Variants in CACNA1B observed in about 807,000 individuals in gnomAD.
CACNA1B encodes calcium voltage-gated channel subunit alpha1 B.
A neutral mutation model predicts 247.2 loss-of-function variants in CACNA1B; 70 were observed. That is an observed-to-expected ratio of 0.28 (90% CI 0.23 to 0.35). The LOEUF (loss-of-function observed/expected upper bound fraction) is 0.35, where lower values mean the gene tolerates loss of function less well. Ranked by LOEUF, CACNA1B falls within the 10% of genes least tolerant of loss-of-function variation. CACNA1B has a pLI of 1.00. For synonymous variants in CACNA1B, 1,231 were observed against 1,294.4 expected (o/e 0.95, Z 1.05); for missense variants, 2,367 against 3,197.4 (o/e 0.74, Z 6.26).
chr9:138,048,518 C>T (rs1298304326), intron 23 of CACNA1B, among the ~76,000 whole-genome samples: 1 of 152,188 alleles, frequency 6.6e-6, no homozygotes, highest in African/African-American at 2.4e-5. Flanking sequence ...CCCACTGAGG[C>T]CCTTCGGGGT....
At chr9:137,987,479 A>G (rs1390188775) in intron 15 of CACNA1B, among the ~76,000 whole-genome samples, 1 of 152,160 alleles carries the variant, frequency 6.6e-6, no homozygotes, top group African/African-American at 2.4e-5. Context: ...CATGCCTTGC[A>G]TTCCTGTCCC....
rs1009554299 is a variant in CACNA1B at position 138,024,598 on chromosome 9, G to C, written c.3069-357G>C. Among the ~76,000 whole-genome samples, 67 of 152,262 alleles carry C rather than the reference G, an allele frequency of 4.4e-4. 1 individual carries two copies. Among genetic ancestry groups the C allele is most frequent in the African/African-American group, 1.5e-3 (61 of 41,566 alleles). On this transcript the variant is annotated intron_variant, in intron 19 of 46. Coordinates refer to ENST00000371372, the MANE Select transcript of CACNA1B (RefSeq NM_000718.4). ...TTAGTTGGTCTGCATGGAGGCTTAAGGGTTTTGGTTGATAGGATTTTGCTG... is the reference window on the plus strand; with the variant it reads ...TTAGTTGGTCTGCATGGAGGCTTAACGGTTTTGGTTGATAGGATTTTGCTG...
chr9:138,025,297 GGAGA>G (rs1454008794), intron 20 of CACNA1B, 125 bp downstream of exon 20: 8 of 652,560 alleles, frequency 1.2e-5, no homozygotes, highest in Non-Finnish European at 1.9e-5. Context: ...TCTCCTGGCT[GGAGA>G]GAGAGTCCTT....
chr9:138,058,961 T>A lies in CACNA1B; in HGVS notation c.4474-118T>A. 1 of 727,256 alleles carries A rather than the reference T, an allele frequency of 1.4e-6. No individual in the cohort carries two copies. Among genetic ancestry groups the A allele is most frequent in the East Asian group, 2.7e-5 (1 of 36,906 alleles). The allele number at this position is 727,256 out of a possible 1,614,324, so 45.1% of individuals were successfully genotyped here. A position where few individuals can be genotyped will look rare whatever the true frequency, so the allele number is the denominator to read the frequency against. On this transcript the variant is annotated intron_variant, in intron 29 of 46. Transcript: ENST00000371372. The surrounding 1 kb of genome is among the most constrained non-coding windows in gnomAD (Gnocchi z 4.7). Reference sequence around the variant, plus strand: ...GACTCGGGGAGAGCAGGAAGGGGTGTCCCAGGCCTAGGCAGGCATCGAGTT... The same window carrying A: ...GACTCGGGGAGAGCAGGAAGGGGTGACCCAGGCCTAGGCAGGCATCGAGTT...
In CACNA1B at chr9:137,952,317, T is replaced by C; in HGVS notation, c.1010T>C (p.Ile337Thr). 6.2e-7 allele frequency: 1 copy of C among 1,613,622 alleles called. No homozygotes were observed. Among genetic ancestry groups the C allele is most frequent in the South Asian group, 1.1e-5 (1 of 91,056 alleles). Residue 337 changes from isoleucine to threonine, a missense_variant, in exon 7 of 47, where the codon ATC becomes ACC. By Grantham distance (89) the Ile-to-Thr change is moderately conservative. Transcript: ENST00000371372. The surrounding 1 kb of genome is among the most constrained non-coding windows in gnomAD (Gnocchi z 4.8). ...AACACCTGGAACTGGCTCTACTTCA[T>C]CCCTCTCATCATCATCGGCTCCTTC... ...AGNTWNWLYF[I>T]PLIIIGSFFM... is the part of the protein sequence containing the mutation.
At chr9:137,992,931 A>G (rs550646334) in intron 15 of CACNA1B, among the ~76,000 whole-genome samples, 1 of 152,326 alleles carries the variant, frequency 6.6e-6, no homozygotes, top group South Asian at 2.1e-4. Context: ...CTCCTGAATG[A>G]TTTTTGGGTT....
At position 138,121,704 on chromosome 9, in the gene CACNA1B, A is replaced by T. The variant is rs1428349319; in HGVS notation, c.6725A>T (p.Asp2242Val). The T allele has an allele frequency of 1.9e-6, 3 of 1,612,164 alleles. No homozygotes were observed. The highest frequency in any genetic ancestry group is 2.2e-5 in the East Asian group (1 of 44,786). Residue 2242 changes from aspartate (D) to valine (V), a missense_variant, in exon 47 of 47, where the codon GAC becomes GTC. Transcript: ENST00000371372. The surrounding 1 kb of genome is among the most constrained non-coding windows in gnomAD (Gnocchi z 6.8). The stretch of plus-strand genomic sequence containing the variant: ...GAACACAACGCCCTGCTGCAGAGAG[A>T]CCCCCTCAGCCAGCCCCTGGCCCCT... ...LSEHNALLQR[D>V]PLSQPLAPGS...
At chr9:137,982,594 C>T (rs1181377551) in intron 12 of CACNA1B, among the ~76,000 whole-genome samples, 1 of 152,210 alleles carries the variant, frequency 6.6e-6, no homozygotes, top group African/African-American at 2.4e-5. Context: ...ACTACATGAA[C>T]CAGTGAGGAC....
Position 138,047,107 on chromosome 9 carries a change from G to A in CACNA1B, c.3543+74G>A, listed in dbSNP as rs1055303308. On this transcript the variant is annotated intron_variant, in intron 22 of 46. Coordinates refer to ENST00000371372, the MANE Select transcript of CACNA1B (RefSeq NM_000718.4). ...TGGGTGCCTTCCCAGGGGCCCAAGGGGCTGGGGTGGGGCTGAGGTCCTGTC... is the reference window on the plus strand; with the variant it reads ...TGGGTGCCTTCCCAGGGGCCCAAGGAGCTGGGGTGGGGCTGAGGTCCTGTC... 7 of 1,412,036 alleles carry A rather than the reference G, an allele frequency of 5.0e-6. No homozygotes were observed. In the Admixed American group the frequency reaches 1.1e-4, roughly 22 times the overall value. The allele number at this position is 1,412,036 out of a possible 1,614,324, so 87.5% of individuals were successfully genotyped here.
At chr9:138,094,201 A>G (rs140908520) in intron 36 of CACNA1B, among the ~76,000 whole-genome samples, 35 of 152,324 alleles carry the variant, frequency 2.3e-4, no homozygotes, top group African/African-American at 7.9e-4. Context: ...TTCCACTTAT[A>G]TAAGTTACCT....
At chr9:138,045,931 C>T (rs1254996028) in intron 21 of CACNA1B, among the ~76,000 whole-genome samples, 3 of 152,086 alleles carry the variant, frequency 2.0e-5, no homozygotes, top group African/African-American at 7.2e-5. Context: ...CTTAGAGGGG[C>T]TGGGGGCGGT....
rs1055407183 is a variant in CACNA1B at position 138,043,487 on chromosome 9, G to A, written c.3287-287G>A. Among the ~76,000 whole-genome samples the A allele has an allele frequency of 5.3e-5, 8 of 152,136 alleles. No individual in the cohort carries two copies. In the South Asian group the frequency reaches 6.2e-4, roughly 12 times the overall value. ...TCTCAGCGCATCGAGGCCCCTCAGCGCGGCAGAGGGGTCCACAGCCACGGG... is the reference window on the plus strand; with the variant it reads ...TCTCAGCGCATCGAGGCCCCTCAGCACGGCAGAGGGGTCCACAGCCACGGG... On this transcript the variant is annotated intron_variant, in intron 20 of 46. Coordinates refer to ENST00000371372, the MANE Select transcript of CACNA1B (RefSeq NM_000718.4).
At chr9:138,101,654 G>A (rs1467417722) in intron 37 of CACNA1B, among the ~76,000 whole-genome samples, 1 of 152,244 alleles carries the variant, frequency 6.6e-6, no homozygotes, top group Non-Finnish European at 1.5e-5. Context: ...GGGGAGGAAA[G>A]GGCAGAGGCA....
chr9:137,966,993 G>T (rs756698329), intron 10 of CACNA1B, among the ~76,000 whole-genome samples: 2 of 149,154 alleles, frequency 1.3e-5, no homozygotes, highest in Non-Finnish European at 3.0e-5. Flanking sequence ...AAAAAACCCA[G>T]TTGTATGGTG....
chr9:137,897,422 A>C (rs2133253339), intron 3 of CACNA1B, among the ~76,000 whole-genome samples: 1 of 152,174 alleles, frequency 6.6e-6, no homozygotes, highest in East Asian at 1.9e-4. Flanking sequence ...TCTACTAAAA[A>C]TACAAAAATT....
In CACNA1B at chr9:138,059,397, G is replaced by A. The variant is rs758578593; in HGVS notation, c.4584+208G>A. On this transcript the variant is annotated intron_variant, in intron 30 of 46. Transcript: ENST00000371372. This position sits in a 1 kb window ranked among gnomAD's most constrained non-coding sequence, Gnocchi z 4.2. The stretch of plus-strand genomic sequence containing the variant: ...CCCCAGCCTAGGTCCTGGGAGGGAG[G>A]CAGGGCTGGGTTCTTCCTCTTTGGA... 1.3e-5 allele frequency among the ~76,000 whole-genome samples: 2 copies of A among 152,114 alleles called. No individual in the cohort carries two copies. The highest frequency in any genetic ancestry group is 2.9e-5 in the Non-Finnish European group (2 of 68,014).
At chr9:137,989,958 T>C (rs1057503417) in intron 15 of CACNA1B, among the ~76,000 whole-genome samples, 2 of 152,204 alleles carry the variant, frequency 1.3e-5, no homozygotes, top group African/African-American at 4.8e-5. Context: ...AGGACTAGCT[T>C]GCAGCTCCTG....
At chr9:137,977,493 C>T (rs1958233926) in intron 12 of CACNA1B, among the ~76,000 whole-genome samples, 1 of 148,256 alleles carries the variant, frequency 6.7e-6, no homozygotes, top group Admixed American at 6.7e-5. Context: ...GGTAGGGAGG[C>T]CTTGGAGGCA....
chr9:138,093,214 G>A lies in CACNA1B; in HGVS notation c.5095-3270G>A, dbSNP rs78933832. Among the ~76,000 whole-genome samples, 933 of 152,074 alleles carry A rather than the reference G, an allele frequency of 6.1e-3. 7 individuals are homozygous for A. Among genetic ancestry groups the A allele is most frequent in the African/African-American group, 0.021 (879 of 41,468 alleles). ...GTAGACAGATCACCTAAGTTCAGGA[G>A]TTCAAGACCAGCTTGGCCAACATGG... On this transcript the variant is annotated intron_variant, in intron 36 of 46. Transcript: ENST00000371372.
Sources: gnomAD v4.1 joint callset for allele counts (sites outside exome capture counted in the v4.1 genomes callset) on GRCh38, gnomAD v4.1.1 for gene constraint, Gnocchi (gnomAD v3.1) non-coding constraint, MANE v1.5 for transcripts, NCBI Gene and HGNC (gene_info 2026-07-23, HGNC 2026-07-21) for gene names.